ANO10: variants seen among roughly 807,000 people sequenced by gnomAD.
ANO10 encodes anoctamin-10.
ANO10 carries 77 observed loss-of-function variants against 74.7 expected under a neutral mutation model. The observed-to-expected ratio is 1.03, with a 90% CI of 0.86 to 1.25. The LOEUF is 1.25. ANO10 is among the 50% of genes most tolerant of loss of function. The probability of loss-of-function intolerance (pLI) is 0.00; values close to 1 mark genes in which losing one functional copy is unlikely to be tolerated. For synonymous variants in ANO10, 279 were observed against 284.9 expected (o/e 0.98, Z 0.21); for missense variants, 721 against 778.1 (o/e 0.93, Z 0.87).
At chr3:43,683,346 A>T (rs2084227360) in intron 1 of ANO10, among the ~76,000 whole-genome samples, 1 of 152,224 alleles carries the variant, frequency 6.6e-6, no homozygotes, top group Non-Finnish European at 1.5e-5. Context: ...TTCAAAGAGA[A>T]TAAAATACCT....
intron 11 of ANO10, among the ~76,000 whole-genome samples, chr3:43,508,943 T>TAAAAAAAAAAAAAA (rs35265220): frequency 3.8e-5 from 4 of 104,656 alleles, no homozygotes; most frequent in Admixed American, 1.0e-4. Flanking sequence ...TAAAGTATAA[T>TAAAAAAAAAAAAAA]AAAAAAAAAA....
chr3:43,408,830 G>C (rs1474765939), intron 12 of ANO10, among the ~76,000 whole-genome samples: 2 of 152,108 alleles, frequency 1.3e-5, no homozygotes, highest in Non-Finnish European at 2.9e-5. Context: ...AGGAATTCGA[G>C]ATCAGCCTGG....
intron 11 of ANO10, among the ~76,000 whole-genome samples, chr3:43,516,241 C>G (rs1214859030): frequency 6.6e-6 from 1 of 152,116 alleles, no homozygotes; most frequent in East Asian, 1.9e-4. Flanking sequence ...ATCATTAACG[C>G]TAAACAGAGA....
chr3:43,382,886 T>C (rs2092008126), intron 12 of ANO10, among the ~76,000 whole-genome samples: 1 of 152,086 alleles, frequency 6.6e-6, no homozygotes, highest in African/African-American at 2.4e-5. Context: ...GTAATTAAAA[T>C]GTTACCAACA....
At chr3:43,685,229 TTTTTA>T (rs2084260067) in intron 1 of ANO10, among the ~76,000 whole-genome samples, 1 of 152,212 alleles carries the variant, frequency 6.6e-6, no homozygotes, top group South Asian at 2.1e-4. Flanking sequence ...ATATTGTTCA[TTTTTA>T]TTTTCTTTTT....
chr3:43,433,265 A>T (rs1303988670), intron 11 of ANO10, among the ~76,000 whole-genome samples: 4 of 152,018 alleles, frequency 2.6e-5, no homozygotes, highest in African/African-American at 9.7e-5. Context: ...TTCTTTTTAA[A>T]ACCAGGTATT....
chr3:43,672,938 G>A (rs549075975), intron 1 of ANO10, among the ~76,000 whole-genome samples: 14 of 152,304 alleles, frequency 9.2e-5, no homozygotes, highest in African/African-American at 3.4e-4. Flanking sequence ...AGAAATTCCT[G>A]AATATTTGAC....
intron 9 of ANO10, 109 bp from the exon 10 acceptor site, chr3:43,555,578 G>A (rs1045287285): frequency 2.7e-6 from 3 of 1,102,078 alleles, no homozygotes; most frequent in Non-Finnish European, 4.0e-6. Flanking sequence ...ACCTCAAAGA[G>A]TTTCCCCACC....
chr3:43,505,241 T>C (rs1339219554), intron 11 of ANO10, among the ~76,000 whole-genome samples: 4 of 152,234 alleles, frequency 2.6e-5, no homozygotes, highest in Non-Finnish European at 5.9e-5. Context: ...AGTACAATGT[T>C]TATGGTAATT....
chr3:43,577,003 G>A lies in ANO10; in HGVS notation c.851C>T (p.Pro284Leu). ...CAAGACACCATGAAATCCTGGCCGG[G>A]GCTCCTCAAACTTTCTCTTCATGAG... ...TLLMKRKFEEPRPGFHGVLGI... is the reference protein window; with the variant it reads ...TLLMKRKFEELRPGFHGVLGI... The change falls in exon 6 of 13, where the codon CCC (proline) becomes CTC (leucine). Residue 284 changes from proline (P) to leucine (L), a missense_variant. Pro to Leu is a moderately conservative substitution (Grantham distance 98, BLOSUM62 -3). Transcript: ENST00000292246. 2 of 1,613,748 alleles carry A rather than the reference G, an allele frequency of 1.2e-6. No individual in the cohort carries two copies. Among genetic ancestry groups the A allele is most frequent in the Middle Eastern group, 1.6e-4 (1 of 6,062 alleles).
At chr3:43,464,056 G>A (rs754183377) in intron 11 of ANO10, among the ~76,000 whole-genome samples, 8 of 152,038 alleles carry the variant, frequency 5.3e-5, no homozygotes, top group Non-Finnish European at 1.0e-4. Context: ...CTCGCCTTCC[G>A]CCATGATCAT....
At chr3:43,599,407 C>T (rs1457717670) in intron 3 of ANO10, among the ~76,000 whole-genome samples, 1 of 152,118 alleles carries the variant, frequency 6.6e-6, no homozygotes, top group Non-Finnish European at 1.5e-5. Context: ...ATAGAACCAA[C>T]GACCCTATCA....
At chr3:43,565,429 G>A (rs1354559190) in intron 8 of ANO10, among the ~76,000 whole-genome samples, 1 of 152,062 alleles carries the variant, frequency 6.6e-6, no homozygotes, top group Non-Finnish European at 1.5e-5. Flanking sequence ...TGATTTTACT[G>A]CCCTATACTT....
chr3:43,578,382 G>C (rs936302989), intron 5 of ANO10, among the ~76,000 whole-genome samples: 1 of 152,014 alleles, frequency 6.6e-6, no homozygotes, highest in Non-Finnish European at 1.5e-5. Context: ...TCAGTCCCCA[G>C]CGACCCCAAA....
chr3:43,510,772 A>T (rs1269231370), intron 11 of ANO10, among the ~76,000 whole-genome samples: 1 of 152,188 alleles, frequency 6.6e-6, no homozygotes, highest in East Asian at 1.9e-4. Flanking sequence ...GCAGCCAAAA[A>T]ATGCATTTGG....
intron 12 of ANO10, among the ~76,000 whole-genome samples, chr3:43,429,738 G>C (rs1340730893): frequency 2.0e-5 from 3 of 152,060 alleles, no homozygotes; most frequent in African/African-American, 7.2e-5. Context: ...AGCATAGACA[G>C]ATCTTTTTTA....
chr3:43,572,809 G>A (rs7614544), intron 7 of ANO10, among the ~76,000 whole-genome samples: 3,306 of 152,208 alleles, frequency 0.022, 111 homozygotes, highest in African/African-American at 0.075. Flanking sequence ...TAATTACTGC[G>A]GAGATGGGGA....
chr3:43,519,467 CCACTGAGGGGAGAA>C, intron 11 of ANO10, among the ~76,000 whole-genome samples: 1 of 152,158 alleles, frequency 6.6e-6, no homozygotes, highest in African/African-American at 2.4e-5. Flanking sequence ...TGTGATCCTG[CCACTGAGGGGAGAA>C]TCCTCTGGTT....
chr3:43,663,379 T>C (rs1325623755), intron 1 of ANO10, among the ~76,000 whole-genome samples: 1 of 152,150 alleles, frequency 6.6e-6, no homozygotes, highest in Non-Finnish European at 1.5e-5. Context: ...TAGGTATCAA[T>C]GGAACATATC....
Sources: allele counts gnomAD v4.1 joint callset (sites outside exome capture counted in the v4.1 genomes callset), GRCh38; gene constraint gnomAD v4.1.1; transcripts MANE v1.5; gene names NCBI Gene and HGNC (gene_info 2026-07-23, HGNC 2026-07-21).